Variants in TCERG1 observed in about 807,000 individuals in gnomAD.
TCERG1 encodes the protein transcription elongation regulator 1.
TCERG1 carries 37 observed loss-of-function variants against 144.7 expected under a neutral mutation model. The ratio of observed to expected loss-of-function variants is 0.26; its 90% confidence interval spans 0.20 to 0.34. The LOEUF is 0.34. Among genes scored for constraint, TCERG1 ranks in the 10% least tolerant of loss-of-function variants. The pLI is 1.00. For missense variants in TCERG1, 1,027 were observed against 1,380.7 expected, an observed-to-expected ratio of 0.74 and a Z score of 4.06; for synonymous variants, 492 against 458.2, an observed-to-expected ratio of 1.07 and a Z score of -0.94.
At chr5:146,475,771 T>G (rs2099319) in intron 9 of TCERG1, among the ~76,000 whole-genome samples, 37,236 of 152,034 alleles carry the variant, frequency 0.24, 5,671 homozygotes, top group East Asian at 0.84. Context: ...TATTCCCTTT[T>G]CATTAACTGG....
intron 17 of TCERG1, among the ~76,000 whole-genome samples, chr5:146,501,727 CT>C (rs1767467877): frequency 6.6e-6 from 1 of 152,084 alleles, no homozygotes; most frequent in South Asian, 2.1e-4. Context: ...TCTGGAAATA[CT>C]GGGTTTATGA....
At chr5:146,503,745 ATTTG>A in intron 18 of TCERG1, 75 bp from the exon 19 acceptor site, 1 of 1,490,252 alleles carries the variant, frequency 6.7e-7, no homozygotes. Context: ...GGAATTTTTT[ATTTG>A]GCAAGCTAGT....
chr5:146,509,451 C>T, intron 22 of TCERG1, among the ~76,000 whole-genome samples: 1 of 147,184 alleles, frequency 6.8e-6, no homozygotes. Context: ...GATGTCAATT[C>T]TTATTTTGTG....
At chr5:146,490,189 CA>C (rs1242655773) in intron 15 of TCERG1, among the ~76,000 whole-genome samples, 3 of 152,144 alleles carry the variant, frequency 2.0e-5, no homozygotes, top group Non-Finnish European at 4.4e-5. Flanking sequence ...ACATGTCTAG[CA>C]GGGGACTGGT....
At position 146,507,667 on chromosome 5, in the gene TCERG1, G is replaced by A. The variant is rs1328770929; in HGVS notation, c.2962-206G>A. On this transcript the variant is annotated intron_variant, in intron 20 of 22. Coordinates refer to ENST00000679501, the MANE Select transcript of TCERG1 (RefSeq NM_001382548.1). This position sits in a 1 kb window ranked among gnomAD's most constrained non-coding sequence, Gnocchi z 4.6. ...GTGATTGTCTTAGGCCACCTTGAAA[G>A]TATGGCCATGAAAATAACTCTTGTG... is the stretch of plus-strand genomic sequence containing the variant. The A allele has an allele frequency of 6.8e-6, 3 of 441,472 alleles. No homozygotes were observed. In the East Asian group the frequency reaches 1.1e-4, roughly 16 times the overall value. 27.3% of individuals were successfully genotyped at this position (441,472 alleles called of 1,614,324 possible).
rs546134352 is a variant in TCERG1 at position 146,453,103 on chromosome 5, A to C, written c.60-1953A>C. ...AGTTAATAATTCTCTTTACAAAAGC[A>C]CTTGGGGGAAGAGATAGATAATACT... On this transcript the variant is annotated intron_variant, in intron 1 of 22. Coordinates refer to ENST00000679501, the MANE Select transcript of TCERG1 (RefSeq NM_001382548.1). 2.0e-5 allele frequency among the ~76,000 whole-genome samples: 3 copies of C among 152,298 alleles called. No homozygotes were observed. In the East Asian group the frequency reaches 5.8e-4, roughly 29 times the overall value.
chr5:146,498,086 T>G (rs1767096439), intron 16 of TCERG1, among the ~76,000 whole-genome samples: 1 of 151,852 alleles, frequency 6.6e-6, no homozygotes, highest in African/African-American at 2.4e-5. Context: ...TTCAGGCATT[T>G]CAGTCTTACT....
rs1581555883 is a variant in TCERG1 at position 146,498,640 on chromosome 5, C to T, written c.2387C>T (p.Ala796Val). ...GCCTTGTTTAATGAGTTTGTGGCCG[C>T]TGCTAGGAAGAAAGAGAAAGAAGAT... ...REALFNEFVA[A>V]ARKKEKEDSK... The change falls in exon 17 of 23, where the codon GCT becomes GTT. Residue 796 changes from alanine to valine, a missense_variant. Ala to Val is a moderately conservative substitution (Grantham distance 64). Transcript: ENST00000679501. 2 of 1,610,330 alleles carry T rather than the reference C, an allele frequency of 1.2e-6. No individual in the cohort carries two copies. The highest frequency in any genetic ancestry group is 1.7e-6 in the Non-Finnish European group (2 of 1,178,286).
intron 1 of TCERG1, among the ~76,000 whole-genome samples, chr5:146,449,514 C>T (rs551930667): frequency 6.6e-6 from 1 of 152,356 alleles, no homozygotes; most frequent in South Asian, 2.1e-4. Flanking sequence ...CAGGTCTCCT[C>T]AATCATAGTT....
intron 1 of TCERG1, among the ~76,000 whole-genome samples, chr5:146,447,704 C>T (rs1290234284): frequency 6.6e-6 from 1 of 152,206 alleles, no homozygotes; most frequent in African/African-American, 2.4e-5. Flanking sequence ...CGCCTTTGGG[C>T]CCCGCCTCAG....
chr5:146,452,096 T>A (rs1013781414), intron 1 of TCERG1, among the ~76,000 whole-genome samples: 3 of 152,128 alleles, frequency 2.0e-5, no homozygotes, highest in African/African-American at 7.2e-5. Context: ...CCTAAATTGG[T>A]TCTTTATTAG....
intron 10 of TCERG1, among the ~76,000 whole-genome samples, 154 bp downstream of exon 10, chr5:146,478,807 TAG>T (rs1196195478): frequency 6.6e-6 from 1 of 152,150 alleles, no homozygotes; most frequent in Non-Finnish European, 1.5e-5. Context: ...AATGAAATAA[TAG>T]AGATTAAAAA....
chr5:146,491,172 A>G (rs1386123841), intron 15 of TCERG1, among the ~76,000 whole-genome samples: 1 of 150,600 alleles, frequency 6.6e-6, no homozygotes, highest in Non-Finnish European at 1.5e-5. Flanking sequence ...TTGCATGTAG[A>G]GATGGGATTT....
At chr5:146,500,311 T>G (rs929456360) in intron 17 of TCERG1, among the ~76,000 whole-genome samples, 1 of 152,126 alleles carries the variant, frequency 6.6e-6, no homozygotes, top group African/African-American at 2.4e-5. Context: ...TATATTCACA[T>G]TTTGAGCACA....
intron 15 of TCERG1, among the ~76,000 whole-genome samples, chr5:146,487,188 C>G (rs1581512640): frequency 6.6e-6 from 1 of 152,004 alleles, no homozygotes; most frequent in South Asian, 2.1e-4. Context: ...AAAAAGAAAT[C>G]AAGAAAGCAA....
At chr5:146,481,303 G>C (rs951297779) in intron 13 of TCERG1, 103 bp downstream of exon 13, 1 of 494,750 alleles carries the variant, frequency 2.0e-6, no homozygotes, top group East Asian at 1.5e-4. Flanking sequence ...ATTTAGTATA[G>C]TTCTATAAAG....
chr5:146,447,948 C>CT (rs1293904669), intron 1 of TCERG1, among the ~76,000 whole-genome samples: 12 of 152,238 alleles, frequency 7.9e-5, no homozygotes, highest in African/African-American at 2.9e-4. Context: ...GCTTTTCTTC[C>CT]TTTTTTCATC....
intron 19 of TCERG1, chr5:146,505,407 A>G (rs1767888263): frequency 6.6e-6 from 1 of 152,226 alleles, no homozygotes; most frequent in African/African-American, 2.4e-5. Context: ...GGTCACATTT[A>G]GCCTCCTTAG....
chr5:146,465,408 C>T (rs1763689869), intron 5 of TCERG1, among the ~76,000 whole-genome samples: 1 of 152,162 alleles, frequency 6.6e-6, no homozygotes, highest in Non-Finnish European at 1.5e-5. Context: ...ATGAAAGGTA[C>T]ACAATAGCAA....
Sources: gnomAD v4.1 joint callset for allele counts (sites outside exome capture counted in the v4.1 genomes callset) on GRCh38, gnomAD v4.1.1 for gene constraint, Gnocchi (gnomAD v3.1) non-coding constraint, MANE v1.5 for transcripts, NCBI Gene and HGNC (gene_info 2026-07-23, HGNC 2026-07-21) for gene names.